CACNA1S: variants seen among roughly 807,000 people sequenced by gnomAD.
CACNA1S encodes the protein calcium voltage-gated channel subunit alpha1 S, also known as voltage-dependent L-type calcium channel subunit alpha-1S.
CACNA1S carries 126 observed loss-of-function variants against 207.4 expected under a neutral mutation model. The ratio of observed to expected loss-of-function variants is 0.61; its 90% CI spans 0.53 to 0.70. The LOEUF (loss-of-function observed/expected upper bound fraction) is 0.70, where lower values mean the gene tolerates loss of function less well. Among genes scored for constraint, CACNA1S ranks in the 30% least tolerant of loss-of-function variants. The pLI, the probability that CACNA1S is intolerant of heterozygous loss-of-function variation, is 0.00. For missense variants in CACNA1S, 2,349 were observed against 2,422.8 expected, an observed-to-expected ratio of 0.97 and a Z score of 0.64; for synonymous variants, 960 against 932.7, an observed-to-expected ratio of 1.03 and a Z score of -0.53.
rs764404618 is a variant in CACNA1S at position 201,047,545 on chromosome 1, T to C, written c.4523A>G (p.Gln1508Arg). 1.7e-5 allele frequency: 28 copies of C among 1,613,994 alleles called. No individual in the cohort carries two copies. Among genetic ancestry groups the C allele is most frequent in the Non-Finnish European group, 2.1e-5 (25 of 1,179,828 alleles). The change falls in exon 37 of 44, where the codon CAG (glutamine) becomes CGG (arginine). Residue 1508 changes from glutamine (Q) to arginine (R), a missense_variant. Physicochemically the swap from Gln to Arg is conservative, Grantham distance 43. Coordinates refer to ENST00000362061, the MANE Select transcript of CACNA1S (RefSeq NM_000069.3). ...WKRTSMKLLD[Q>R]VIPPIGDDEV... Reference sequence around the variant, plus strand: ...CCTACCTCCTATTGGAGGGATGACCTGGTCCAAGAGCTTCATGCTGGTTCT... The same window carrying C: ...CCTACCTCCTATTGGAGGGATGACCCGGTCCAAGAGCTTCATGCTGGTTCT...
At position 201,066,086 on chromosome 1, in the gene CACNA1S, A is replaced by T; in HGVS notation, c.2746-141T>A. The T allele has an allele frequency of 2.2e-6, 2 of 927,976 alleles. No homozygotes were observed. The highest frequency in any genetic ancestry group is 3.5e-6 in the Non-Finnish European group (2 of 579,372). The allele number at this position is 927,976 out of a possible 1,614,324, so 57.5% of individuals were successfully genotyped here. On this transcript the variant is annotated intron_variant, in intron 21 of 43. Coordinates refer to ENST00000362061, the MANE Select transcript of CACNA1S (RefSeq NM_000069.3). The surrounding 1 kb of genome is among the most constrained non-coding windows in gnomAD (Gnocchi z 4.3). ...GAAAGGCTGGTGGGGAAGCATAGCT[A>T]CCCCAGCCTCATCCTTACCCCTATC...
intron 2 of CACNA1S, among the ~76,000 whole-genome samples, chr1:201,105,543 G>T (rs1297590714): frequency 5.3e-5 from 8 of 152,118 alleles, no homozygotes; most frequent in African/African-American, 1.9e-4. Flanking sequence ...ATGCCATAAT[G>T]GGCTGATTTC....
chr1:201,100,570 CTTCCCCTCCCTG>C (rs1205958397), intron 2 of CACNA1S, among the ~76,000 whole-genome samples: 1 of 152,210 alleles, frequency 6.6e-6, no homozygotes, highest in African/African-American at 2.4e-5. Context: ...CCAGTTCCCT[CTTCCCCTCCCTG>C]TACAGCACTT....
Position 201,074,499 on chromosome 1 carries a change from C to A in CACNA1S, c.2063+7G>T, listed in dbSNP as rs79984703. 0.029 allele frequency: 45,454 copies of A among 1,574,482 alleles called. 858 individuals are homozygous for A. Among genetic ancestry groups the A allele is most frequent in the Non-Finnish European group, 0.031 (35,831 of 1,144,266 alleles). ...TCCAGGTCCCTTCCTGCTAAGGAAG[C>A]ACTCACTTGGACATCTTCCTGCGTT... On this transcript the variant is annotated splice_region_variant and intron_variant, in intron 14 of 43. Coordinates refer to ENST00000362061, the MANE Select transcript of CACNA1S (RefSeq NM_000069.3).
At chr1:201,056,487 G>A (rs747764742) in intron 28 of CACNA1S, among the ~76,000 whole-genome samples, 1 of 152,232 alleles carries the variant, frequency 6.6e-6, no homozygotes, top group Non-Finnish European at 1.5e-5. Context: ...AAAGCCCTAT[G>A]CATGGGTGAG....
chr1:201,095,650 T>C (rs985611400), intron 2 of CACNA1S, among the ~76,000 whole-genome samples: 4 of 152,230 alleles, frequency 2.6e-5, no homozygotes, highest in Non-Finnish European at 4.4e-5. Flanking sequence ...ATTCCTTCTA[T>C]TAATTTGTGA....
intron 31 of CACNA1S, 145 bp from the exon 32 acceptor site, chr1:201,052,793 G>A: frequency 4.3e-6 from 3 of 699,830 alleles, no homozygotes; most frequent in Admixed American, 2.4e-5. Context: ...CAGACCTGAA[G>A]CCAAAAAAAA....
chr1:201,073,423 G>A, intron 15 of CACNA1S, 126 bp downstream of exon 15: 2 of 811,856 alleles, frequency 2.5e-6, no homozygotes. Flanking sequence ...GCAGGGAGAT[G>A]CCCTCACCTG....
intron 2 of CACNA1S, among the ~76,000 whole-genome samples, chr1:201,096,815 T>G (rs1662450140): frequency 6.6e-6 from 1 of 152,216 alleles, no homozygotes; most frequent in Non-Finnish European, 1.5e-5. Flanking sequence ...CGTGGGCCCT[T>G]GGTGAAGGTC....
Position 201,048,615 on chromosome 1 carries a change from G to C in CACNA1S, c.4408C>G (p.Leu1470Val). 6.2e-7 allele frequency: 1 copy of C among 1,613,976 alleles called. No homozygotes were observed. Among genetic ancestry groups the C allele is most frequent in the Non-Finnish European group, 8.5e-7 (1 of 1,179,982 alleles). ...TTGATCTTGAGTGCCGTGCGGACCA[G>C]GGCAAAGAGTGTGGCATTGAAGGTG... ...TVTFNATLFA[L>V]VRTALKIKTE... The change falls in exon 36 of 44, where the codon CTG becomes GTG. Residue 1470 changes from leucine to valine, a missense_variant. Leu to Val is a conservative substitution (Grantham distance 32). Transcript: ENST00000362061.
In CACNA1S at chr1:201,066,365, G is replaced by A. The variant is rs1486574278; in HGVS notation, c.2658-49C>T. ...GGCTGAGGGCAGCCTGCTCCAGCCA[G>A]CCCAGTCTGCGGTGGAGCCTCCAGC... On this transcript the variant is annotated intron_variant, in intron 20 of 43. Coordinates refer to ENST00000362061, the MANE Select transcript of CACNA1S (RefSeq NM_000069.3). This position sits in a 1 kb window ranked among gnomAD's most constrained non-coding sequence, Gnocchi z 4.3. 2 of 1,524,200 alleles carry A rather than the reference G, an allele frequency of 1.3e-6. No individual in the cohort carries two copies. The highest frequency in any genetic ancestry group is 1.8e-6 in the Non-Finnish European group (2 of 1,109,416). The allele number at this position is 1,524,200 out of a possible 1,614,324, so 94.4% of individuals were successfully genotyped here. A position where few individuals can be genotyped will look rare whatever the true frequency, so the allele number is the denominator to read the frequency against.
intron 16 of CACNA1S, among the ~76,000 whole-genome samples, chr1:201,071,622 C>T (rs1661437967): frequency 6.6e-6 from 1 of 152,166 alleles, no homozygotes; most frequent in South Asian, 2.1e-4. Context: ...GCCCACACCC[C>T]CTCTACCCCT....
At chr1:201,104,845 C>T (rs1662816106) in intron 2 of CACNA1S, among the ~76,000 whole-genome samples, 1 of 152,166 alleles carries the variant, frequency 6.6e-6, no homozygotes, top group Non-Finnish European at 1.5e-5. Flanking sequence ...GTAACCCTGC[C>T]CAATAAAGGA....
chr1:201,085,125 A>G lies in CACNA1S; in HGVS notation c.1151-94T>C, dbSNP rs1572056684. ...CACCCGAGACAAGGGCCCATTGACC[A>G]GAGACATCTGCAACAATGGGTCCTA... On this transcript the variant is annotated intron_variant, in intron 8 of 43. Transcript: ENST00000362061. The G allele has an allele frequency of 3.5e-5, 31 of 894,128 alleles. 1 individual carries two copies. Among genetic ancestry groups the G allele is most frequent in the South Asian group, 3.3e-4 (25 of 75,134 alleles). 55.4% of individuals were successfully genotyped at this position (894,128 alleles called of 1,614,324 possible).
At chr1:201,109,468 T>A (rs1207249765) in intron 2 of CACNA1S, among the ~76,000 whole-genome samples, 1 of 152,226 alleles carries the variant, frequency 6.6e-6, no homozygotes, top group Non-Finnish European at 1.5e-5. Context: ...TGGCATTTAA[T>A]AAGCACTTAC....
At chr1:201,074,438 G>C in intron 14 of CACNA1S, 68 bp downstream of exon 14, 1 of 966,702 alleles carries the variant, frequency 1.0e-6, no homozygotes, top group Non-Finnish European at 1.7e-6. Context: ...GGGAGGCCCT[G>C]TCCAGAGCTG....
chr1:201,046,823 T>C (rs773892515), intron 38 of CACNA1S, among the ~76,000 whole-genome samples: 1 of 152,220 alleles, frequency 6.6e-6, no homozygotes. Context: ...TGTGAGCCAC[T>C]GCGCCTGGCC....
chr1:201,093,036 G>A (rs6684689), intron 3 of CACNA1S, among the ~76,000 whole-genome samples: 136,134 of 152,256 alleles, frequency 0.89, 61,489 homozygotes, highest in Middle Eastern at 0.98. Context: ...CAAGAATTAA[G>A]TGAGAGGGTA....
At position 201,043,087 on chromosome 1, in the gene CACNA1S, T is replaced by A. The variant is rs1660332189; in HGVS notation, c.5048+194A>T. 4.7e-6 allele frequency: 3 copies of A among 642,022 alleles called. No homozygotes were observed. The Admixed American group carries it at 7.6e-5, about 16-fold the overall frequency. 39.8% of individuals were successfully genotyped at this position (642,022 alleles called of 1,614,324 possible). A position where few individuals can be genotyped will look rare whatever the true frequency, so the allele number is the denominator to read the frequency against. On this transcript the variant is annotated intron_variant, in intron 40 of 43. Transcript: ENST00000362061. ...GGCCAATACTGACATGATGTGAGGC[T>A]TCCCCCTGCTGGCCAAAGAAGCCTC...
Sources: gnomAD v4.1 joint callset for allele counts (sites outside exome capture counted in the v4.1 genomes callset) on GRCh38, gnomAD v4.1.1 for gene constraint, Gnocchi (gnomAD v3.1) non-coding constraint, MANE v1.5 for transcripts, NCBI Gene and HGNC (gene_info 2026-07-23, HGNC 2026-07-21) for gene names.